Variants in LRRIQ1 observed in about 807,000 individuals in gnomAD.
LRRIQ1 encodes the protein leucine-rich repeat- and IQ domain-containing protein 1.
LRRIQ1 carries 210 observed loss-of-function variants against 211.9 expected under a neutral mutation model. The observed-to-expected ratio is 0.99, with a 90% CI of 0.89 to 1.11. LRRIQ1 has a LOEUF of 1.11. Among genes scored for constraint, LRRIQ1 ranks in the 50% most tolerant of loss-of-function variants. LRRIQ1 has a pLI of 0.00. For missense variants in LRRIQ1, 2,136 were observed against 1,939.5 expected (o/e 1.10, Z -1.90); for synonymous variants, 699 against 650.1 (o/e 1.08, Z -1.14).
intron 24 of LRRIQ1, among the ~76,000 whole-genome samples, chr12:85,209,675 G>T (rs775869645): frequency 1.3e-5 from 2 of 152,114 alleles, no homozygotes; most frequent in Non-Finnish European, 2.9e-5. Context: ...CTAAGAAATT[G>T]ATGCCTAAGA....
intron 26 of LRRIQ1, among the ~76,000 whole-genome samples, chr12:85,233,330 G>T (rs1895036562): frequency 6.6e-6 from 1 of 151,784 alleles, no homozygotes; most frequent in South Asian, 2.1e-4. Flanking sequence ...TTGGAGTCTA[G>T]GAAAACTGAT....
intron 26 of LRRIQ1, among the ~76,000 whole-genome samples, chr12:85,243,193 T>G (rs1895542686): frequency 7.3e-6 from 1 of 136,296 alleles, no homozygotes; most frequent in Non-Finnish European, 1.5e-5. Context: ...TCCCCTTAAC[T>G]TTTGACTGTT....
chr12:85,229,999 T>C, intron 25 of LRRIQ1, among the ~76,000 whole-genome samples: 1 of 152,310 alleles, frequency 6.6e-6, no homozygotes, highest in Non-Finnish European at 1.5e-5. Context: ...ATTTATAAGT[T>C]TGACAGTTAA....
At chr12:85,193,026 TTATTA>T (rs1331481965) in intron 24 of LRRIQ1, among the ~76,000 whole-genome samples, 1 of 101,032 alleles carries the variant, frequency 9.9e-6, no homozygotes, top group East Asian at 2.9e-4. Context: ...TATAATATAT[TTATTA>T]TATTATATTT....
At chr12:85,241,189 C>T (rs1417033791) in intron 26 of LRRIQ1, among the ~76,000 whole-genome samples, 3 of 151,914 alleles carry the variant, frequency 2.0e-5, no homozygotes, top group African/African-American at 4.8e-5. Context: ...GCATAGGGAA[C>T]TCATTGCTAT....
intron 24 of LRRIQ1, among the ~76,000 whole-genome samples, chr12:85,175,284 A>T (rs1316444824): frequency 6.6e-6 from 1 of 152,174 alleles, no homozygotes; most frequent in Non-Finnish European, 1.5e-5. Flanking sequence ...TCTCAAGATG[A>T]CAGCTCACAC....
chr12:85,075,122 T>G (rs1384310954), intron 11 of LRRIQ1, among the ~76,000 whole-genome samples: 1 of 152,120 alleles, frequency 6.6e-6, no homozygotes. Flanking sequence ...ACTCATTTGC[T>G]TTTCACATCA....
intron 24 of LRRIQ1, among the ~76,000 whole-genome samples, chr12:85,187,741 G>A (rs1892292764): frequency 3.3e-5 from 5 of 151,076 alleles, no homozygotes; most frequent in Admixed American, 1.3e-4. Context: ...TCTGGGAGGC[G>A]GAGATTGCAG....
chr12:85,097,447 C>G (rs1885982187), intron 11 of LRRIQ1, among the ~76,000 whole-genome samples: 1 of 151,458 alleles, frequency 6.6e-6, no homozygotes, highest in East Asian at 2.0e-4. Flanking sequence ...TGTGATGTTC[C>G]CCCCGCTGTG....
chr12:85,192,955 T>A (rs1892656399), intron 24 of LRRIQ1, among the ~76,000 whole-genome samples: 1 of 90,828 alleles, frequency 1.1e-5, no homozygotes, highest in Non-Finnish European at 1.9e-5. Flanking sequence ...AATATATAAT[T>A]ATATAATATA....
intron 24 of LRRIQ1, among the ~76,000 whole-genome samples, chr12:85,222,654 G>A (rs1317475391): frequency 2.0e-5 from 3 of 152,206 alleles, no homozygotes; most frequent in Non-Finnish European, 1.5e-5. Context: ...GATTAGGGAA[G>A]GAGAGAGAGA....
In LRRIQ1 at chr12:85,197,942, T is replaced by A. The variant is rs1458894374; in HGVS notation, c.4823-31575T>A. Among the ~76,000 whole-genome samples, 12 of 106,766 alleles carry A rather than the reference T, an allele frequency of 1.1e-4. 1 individual carries two copies. The highest frequency in any genetic ancestry group is 5.0e-4 in the Admixed American group (4 of 8,060). 70.0% of individuals were successfully genotyped at this position (106,766 alleles called of 152,430 possible). A position where few individuals can be genotyped will look rare whatever the true frequency, so the allele number is the denominator to read the frequency against. On this transcript the variant is annotated intron_variant, in intron 24 of 26. Coordinates refer to ENST00000393217, the MANE Select transcript of LRRIQ1 (RefSeq NM_001079910.2). ...AATATATATAATATAATTATATATA[T>A]TTATATATAATTATATATTATATAT... is the stretch of plus-strand genomic sequence containing the variant.
At chr12:85,061,256 G>A (rs1390315970) in intron 8 of LRRIQ1, among the ~76,000 whole-genome samples, 1 of 151,606 alleles carries the variant, frequency 6.6e-6, no homozygotes, top group Non-Finnish European at 1.5e-5. Context: ...CCTTAATTTC[G>A]AAGCATAAAG....
chr12:85,123,828 T>G (rs550635580), intron 16 of LRRIQ1, among the ~76,000 whole-genome samples: 12 of 152,152 alleles, frequency 7.9e-5, no homozygotes, highest in Non-Finnish European at 1.5e-4. Flanking sequence ...ATAAAAATGG[T>G]CCTAAAACTT....
At chr12:85,044,842 C>G (rs753925678) in intron 4 of LRRIQ1, 33 bp downstream of exon 4, 1 of 987,568 alleles carries the variant, frequency 1.0e-6, no homozygotes, top group East Asian at 2.6e-5. Flanking sequence ...AAAATATTCA[C>G]TATTACAATT....
intron 24 of LRRIQ1, among the ~76,000 whole-genome samples, chr12:85,176,131 C>A (rs1891686467): frequency 6.6e-6 from 1 of 152,042 alleles, no homozygotes; most frequent in African/African-American, 2.4e-5. Context: ...ATTCTTCCTA[C>A]CCATGAGCAT....
intron 8 of LRRIQ1, among the ~76,000 whole-genome samples, chr12:85,062,937 T>C (rs569038192): frequency 3.9e-5 from 6 of 152,042 alleles, no homozygotes; most frequent in Admixed American, 3.9e-4. Context: ...TTTATTTGCA[T>C]TTCTCTGATG....
intron 6 of LRRIQ1, among the ~76,000 whole-genome samples, chr12:85,050,842 A>T (rs962877000): frequency 1.3e-5 from 2 of 152,112 alleles, no homozygotes; most frequent in Admixed American, 6.6e-5. Flanking sequence ...AACTTTTCCC[A>T]CTTTTTAAAA....
At chr12:85,168,881 T>G (rs2136791082) in intron 24 of LRRIQ1, among the ~76,000 whole-genome samples, 1 of 152,292 alleles carries the variant, frequency 6.6e-6, no homozygotes, top group Non-Finnish European at 1.5e-5. Flanking sequence ...ACTGCCACAC[T>G]TCTTTAGTTA....
Sources: allele counts gnomAD v4.1 joint callset (sites outside exome capture counted in the v4.1 genomes callset), GRCh38; gene constraint gnomAD v4.1.1; transcripts MANE v1.5; gene names NCBI Gene and HGNC (gene_info 2026-07-23, HGNC 2026-07-21).